HEPH: variants seen among roughly 807,000 people sequenced by gnomAD.
The protein encoded by HEPH is hephaestin.
In HEPH, 69 loss-of-function variants were observed where a neutral mutation model predicts 80.8. The observed-to-expected ratio is 0.85, with a 90% CI of 0.70 to 1.04. The LOEUF (loss-of-function observed/expected upper bound fraction) is 1.04, where lower values mean the gene tolerates loss of function less well. HEPH is among the 50% of genes least tolerant of loss of function. HEPH has a pLI of 0.00. For synonymous variants in HEPH, 431 were observed against 322.8 expected (o/e 1.34, Z -3.60); for missense variants, 1,115 against 891.3 (o/e 1.25, Z -3.20).
Position 66,192,388 on chromosome X carries a change from C to T in HEPH, c.1232+90C>T, listed in dbSNP as rs1002634560. 4.3e-6 allele frequency: 4 copies of T among 939,990 alleles called. No individual in the cohort carries two copies. The African/African-American group carries it at 5.8e-5, about 14-fold the overall frequency. The allele number at this position is 939,990 out of a possible 1,213,427, so 77.5% of individuals were successfully genotyped here. On this transcript the variant is annotated intron_variant, in intron 7 of 20. Coordinates refer to ENST00000343002, the MANE Select transcript of HEPH (RefSeq NM_001367233.3). Reference sequence around the variant, plus strand: ...TTTCTTCCAGAAATCTCTCACTTTACTCAGGGATCCAAATCATTGTCTGGC... The same window carrying T: ...TTTCTTCCAGAAATCTCTCACTTTATTCAGGGATCCAAATCATTGTCTGGC...
intron 15 of HEPH, among the ~76,000 whole-genome samples, chrX:66,245,493 A>T (rs2090768674): frequency 9.0e-6 from 1 of 111,436 alleles, no homozygotes; most frequent in Non-Finnish European, 1.9e-5. Context: ...GTCCTTAGAG[A>T]CCTACAAAGA....
At chrX:66,235,084 A>G (rs1441535341) in intron 15 of HEPH, among the ~76,000 whole-genome samples, 1 of 111,318 alleles carries the variant, frequency 9.0e-6, no homozygotes, top group Non-Finnish European at 1.9e-5. Context: ...TTCCTTATAG[A>G]TATTGAATAT....
intron 2 of HEPH, among the ~76,000 whole-genome samples, chrX:66,171,640 T>C (rs2147507360): frequency 8.9e-6 from 1 of 112,256 alleles, no homozygotes; most frequent in East Asian, 2.8e-4. Context: ...CTGTCTTTTT[T>C]GACACAAAAT....
chrX:66,224,777 C>T (rs1374933078), intron 15 of HEPH, among the ~76,000 whole-genome samples: 1 of 111,510 alleles, frequency 9.0e-6, no homozygotes, highest in Non-Finnish European at 1.9e-5. Context: ...TTTACCTTGG[C>T]TTTTAAAGGA....
intron 5 of HEPH, among the ~76,000 whole-genome samples, chrX:66,189,245 C>A (rs1448874540): frequency 8.9e-6 from 1 of 112,214 alleles, no homozygotes; most frequent in Non-Finnish European, 1.9e-5. Flanking sequence ...TCAACTTTTT[C>A]TTGAATTTTA....
chrX:66,163,960 A>C (rs898478038), upstream of HEPH, among the ~76,000 whole-genome samples: 1 of 112,165 alleles, frequency 8.9e-6, no homozygotes, highest in Non-Finnish European at 1.9e-5. Context: ...CAGGGCTGAC[A>C]ATTGTGCTTC....
chrX:66,254,549 A>C (rs1408066526), intron 15 of HEPH, among the ~76,000 whole-genome samples: 2 of 110,602 alleles, frequency 1.8e-5, no homozygotes, highest in Non-Finnish European at 3.8e-5. Context: ...CTTAGTAACA[A>C]GGGGAGTCTG....
intron 1 of HEPH, among the ~76,000 whole-genome samples, chrX:66,165,772 T>G (rs912577808): frequency 2.7e-5 from 3 of 111,849 alleles, no homozygotes; most frequent in Admixed American, 9.5e-5. Context: ...TCTTTTTTCC[T>G]TCCTTTGAGT....
Position 66,197,902 on chromosome X carries a change from C to A in HEPH, c.1713+8C>A, listed in dbSNP as rs773518267. 18 of 1,180,511 alleles carry A rather than the reference C, an allele frequency of 1.5e-5. No individual in the cohort carries two copies. The South Asian group carries it at 3.2e-4, about 21-fold the overall frequency. On this transcript the variant is annotated splice_region_variant and intron_variant, in intron 10 of 20. Coordinates refer to ENST00000343002, the MANE Select transcript of HEPH (RefSeq NM_001367233.3). ...GGTGCAGATGGCAAGCAGGTATTGTCAGGGTTATCTGGCTGGAAAGCCTGC... is the reference window on the plus strand; with the variant it reads ...GGTGCAGATGGCAAGCAGGTATTGTAAGGGTTATCTGGCTGGAAAGCCTGC...
At chrX:66,180,829 C>G (rs1370735595) in intron 4 of HEPH, among the ~76,000 whole-genome samples, 2 of 79,900 alleles carry the variant, frequency 2.5e-5, no homozygotes, top group African/African-American at 9.2e-5. Context: ...GTATATCTCC[C>G]AATGCTATCC....
intron 15 of HEPH, among the ~76,000 whole-genome samples, chrX:66,210,207 C>T (rs1055952510): frequency 8.9e-6 from 1 of 112,037 alleles, no homozygotes; most frequent in East Asian, 2.8e-4. Flanking sequence ...AAGTAGTCAA[C>T]AGCTTCAGCT....
chrX:66,179,068 T>C (rs1162591324), intron 4 of HEPH, among the ~76,000 whole-genome samples: 1 of 112,099 alleles, frequency 8.9e-6, no homozygotes, highest in Non-Finnish European at 1.9e-5. Flanking sequence ...CTAGGGTTTT[T>C]ATGGTTTTAG....
At chrX:66,234,304 A>G (rs1300401493) in intron 15 of HEPH, among the ~76,000 whole-genome samples, 1 of 111,678 alleles carries the variant, frequency 9.0e-6, no homozygotes, top group East Asian at 2.8e-4. Context: ...TTAAAAAAAA[A>G]AATCCAATCT....
At chrX:66,228,254 C>A (rs2089974079) in intron 15 of HEPH, among the ~76,000 whole-genome samples, 1 of 112,271 alleles carries the variant, frequency 8.9e-6, no homozygotes, top group South Asian at 3.7e-4. Flanking sequence ...TGGAGGAAAG[C>A]ACGCCCATGA....
In HEPH at chrX:66,192,344, G is replaced by T. The variant is rs963712855; in HGVS notation, c.1232+46G>T. 35 of 1,060,486 alleles carry T rather than the reference G, an allele frequency of 3.3e-5. No individual in the cohort carries two copies. In the East Asian group the frequency reaches 1.0e-3, roughly 32 times the overall value. The allele number at this position is 1,060,486 out of a possible 1,213,427, so 87.4% of individuals were successfully genotyped here. On this transcript the variant is annotated intron_variant, in intron 7 of 20. Coordinates refer to ENST00000343002, the MANE Select transcript of HEPH (RefSeq NM_001367233.3). Reference sequence around the variant, plus strand: ...TCTCTTTAATTCTTTAATTGGTCCAGCTCCAAACATTTATTATCTTTCTTC... The same window carrying T: ...TCTCTTTAATTCTTTAATTGGTCCATCTCCAAACATTTATTATCTTTCTTC...
intron 15 of HEPH, among the ~76,000 whole-genome samples, chrX:66,209,850 G>A (rs1156863677): frequency 9.0e-6 from 1 of 111,178 alleles, no homozygotes; most frequent in Admixed American, 9.6e-5. Context: ...ATGATGATGA[G>A]TTCCCTTTTG....
intron 8 of HEPH, among the ~76,000 whole-genome samples, chrX:66,194,355 T>A (rs1275912405): frequency 1.8e-5 from 2 of 111,573 alleles, no homozygotes; most frequent in Non-Finnish European, 3.8e-5. Context: ...GAAGGAATTA[T>A]CATTGGCTGG....
chrX:66,245,396 A>C (rs1203556095), intron 15 of HEPH, among the ~76,000 whole-genome samples: 2 of 112,013 alleles, frequency 1.8e-5, no homozygotes, highest in Non-Finnish European at 3.8e-5. Flanking sequence ...CCATTACATA[A>C]TGGTAAAGGG....
rs1478275240 is a variant in HEPH, at chrX:66,227,966, A to T, written c.2563+19720A>T. Among the ~76,000 whole-genome samples the T allele has an allele frequency of 1.7e-4, 19 of 111,302 alleles. No individual in the cohort carries two copies. The Admixed American group carries it at 1.8e-3, about 11-fold the overall frequency. ...GGTATTTTGATGGAAATTGCATTGA[A>T]TGTAAAAAAATGAAACTGAATCCTC... On this transcript the variant is annotated intron_variant, in intron 15 of 20. Coordinates refer to ENST00000343002, the MANE Select transcript of HEPH (RefSeq NM_001367233.3).
Sources: gnomAD v4.1 joint callset for allele counts (sites outside exome capture counted in the v4.1 genomes callset) on GRCh38, gnomAD v4.1.1 for gene constraint, MANE v1.5 for transcripts, NCBI Gene and HGNC (gene_info 2026-07-23, HGNC 2026-07-21) for gene names.